KCNMB2: variants seen among roughly 807,000 people sequenced by gnomAD.
The protein encoded by KCNMB2 is calcium-activated potassium channel subunit beta-2.
In KCNMB2, 9 loss-of-function variants were observed where a neutral mutation model predicts 24.5. The observed-to-expected ratio is 0.37, with a 90% confidence interval of 0.22 to 0.64. KCNMB2 has a LOEUF of 0.64. KCNMB2 is among the 30% of genes least tolerant of loss of function. The probability of loss-of-function intolerance (pLI) is 0.63; values close to 1 mark genes in which losing one functional copy is unlikely to be tolerated. For synonymous variants in KCNMB2, 109 were observed against 104.4 expected (o/e 1.04, Z -0.27); for missense variants, 226 against 284.3 (o/e 0.79, Z 1.47).
intron 1 of KCNMB2, among the ~76,000 whole-genome samples, chr3:178,774,373 C>G (rs1712494528): frequency 6.6e-6 from 1 of 152,170 alleles, no homozygotes; most frequent in Admixed American, 6.5e-5. Context: ...CTACAGAGCC[C>G]TTTCTATGTC....
intron 1 of KCNMB2, among the ~76,000 whole-genome samples, chr3:178,634,149 G>T (rs79021385): frequency 0.012 from 1,862 of 152,270 alleles, 18 homozygotes; most frequent in Admixed American, 0.027. Flanking sequence ...TCTCTAGAAA[G>T]TTCCAAACTT....
At chr3:178,754,061 C>T (rs1024825414) in intron 1 of KCNMB2, among the ~76,000 whole-genome samples, 28 of 150,804 alleles carry the variant, frequency 1.9e-4, no homozygotes, top group Non-Finnish European at 5.9e-5. Flanking sequence ...GTGCCTGGTT[C>T]ATTTCACTTA....
chr3:178,783,383 A>G (rs1712954937), intron 1 of KCNMB2, among the ~76,000 whole-genome samples: 1 of 150,370 alleles, frequency 6.7e-6, no homozygotes, highest in Non-Finnish European at 1.5e-5. Flanking sequence ...TACCTTGGGC[A>G]GTATGGCCAT....
intron 1 of KCNMB2, among the ~76,000 whole-genome samples, chr3:178,616,715 C>A (rs1211058017): frequency 6.6e-6 from 1 of 152,128 alleles, no homozygotes; most frequent in Admixed American, 6.5e-5. Flanking sequence ...GTCGGAGGAA[C>A]AATCAGTGGA....
intron 1 of KCNMB2, among the ~76,000 whole-genome samples, chr3:178,781,676 G>T (rs1712847918): frequency 6.6e-6 from 1 of 151,758 alleles, no homozygotes; most frequent in East Asian, 1.9e-4. Context: ...CTGGGATCTG[G>T]GATGAGGGGT....
chr3:178,676,859 G>A (rs556445769), intron 1 of KCNMB2, among the ~76,000 whole-genome samples: 9 of 152,198 alleles, frequency 5.9e-5, no homozygotes, highest in African/African-American at 1.7e-4. Context: ...TTAACGTTAC[G>A]AAACGCTTTC....
At chr3:178,706,360 C>G (rs1559982733) in intron 1 of KCNMB2, among the ~76,000 whole-genome samples, 1 of 152,068 alleles carries the variant, frequency 6.6e-6, no homozygotes, top group Non-Finnish European at 1.5e-5. Flanking sequence ...GCTGACATTC[C>G]TTTTTGCAAT....
chr3:178,648,537 G>A (rs1719998918), intron 1 of KCNMB2, among the ~76,000 whole-genome samples: 1 of 152,100 alleles, frequency 6.6e-6, no homozygotes, highest in South Asian at 2.1e-4. Context: ...GTCAGAGTCT[G>A]TCTCTTAAAA....
intron 1 of KCNMB2, among the ~76,000 whole-genome samples, chr3:178,800,641 T>C (rs1713738881): frequency 6.6e-6 from 1 of 151,962 alleles, no homozygotes; most frequent in Non-Finnish European, 1.5e-5. Flanking sequence ...AAAATATAAA[T>C]AGAACTACCA....
intron 1 of KCNMB2, among the ~76,000 whole-genome samples, chr3:178,617,384 G>A (rs1172281217): frequency 2.0e-5 from 3 of 148,502 alleles, no homozygotes; most frequent in Admixed American, 1.3e-4. Flanking sequence ...TGGTGAAACC[G>A]AATCTCTACT....
intron 1 of KCNMB2, among the ~76,000 whole-genome samples, chr3:178,553,957 A>G (rs1716041746): frequency 6.6e-6 from 1 of 152,216 alleles, no homozygotes; most frequent in African/African-American, 2.4e-5. Flanking sequence ...TTGAAAAGAA[A>G]TATACCACAG....
chr3:178,793,516 G>C (rs1025004010), intron 1 of KCNMB2, among the ~76,000 whole-genome samples: 4 of 151,812 alleles, frequency 2.6e-5, no homozygotes, highest in East Asian at 3.9e-4. Context: ...CTTCACCCTG[G>C]GGGGGTGGGC....
At chr3:178,564,744 G>A (rs889273775) in intron 1 of KCNMB2, among the ~76,000 whole-genome samples, 2 of 152,166 alleles carry the variant, frequency 1.3e-5, no homozygotes, top group Non-Finnish European at 2.9e-5. Flanking sequence ...GTTTTGGAGG[G>A]TAATTCATCC....
At chr3:178,773,717 G>A (rs925954910) in intron 1 of KCNMB2, among the ~76,000 whole-genome samples, 2 of 152,156 alleles carry the variant, frequency 1.3e-5, no homozygotes, top group Non-Finnish European at 2.9e-5. Flanking sequence ...TTCTCTTGCT[G>A]ATATAATTGC....
At chr3:178,739,908 C>T (rs1210810802) in intron 1 of KCNMB2, among the ~76,000 whole-genome samples, 2 of 152,158 alleles carry the variant, frequency 1.3e-5, no homozygotes, top group African/African-American at 4.8e-5. Flanking sequence ...AGAACACAGA[C>T]TCACCCTGAC....
chr3:178,835,989 C>G (rs1007970835), intron 4 of KCNMB2, among the ~76,000 whole-genome samples: 1 of 152,008 alleles, frequency 6.6e-6, no homozygotes, highest in African/African-American at 2.4e-5. Flanking sequence ...AAATTTCTAA[C>G]CCCATTTCAA....
intron 1 of KCNMB2, among the ~76,000 whole-genome samples, chr3:178,718,793 T>C (rs958322325): frequency 7.2e-5 from 11 of 152,178 alleles, no homozygotes; most frequent in African/African-American, 2.7e-4. Context: ...TTTTTCTCTA[T>C]ATCGTATATG....
chr3:178,770,089 T>G (rs78049103), intron 1 of KCNMB2, among the ~76,000 whole-genome samples: 21,718 of 152,210 alleles, frequency 0.14, 1,857 homozygotes, highest in Admixed American at 0.18. Context: ...TTGACATATG[T>G]CTACATAGTT....
chr3:178,766,356 G>T (rs916059501), intron 1 of KCNMB2, among the ~76,000 whole-genome samples: 2 of 152,014 alleles, frequency 1.3e-5, no homozygotes, highest in Non-Finnish European at 2.9e-5. Context: ...ACTACACCTG[G>T]TTATTTTTTT....
Sources: allele counts gnomAD v4.1 joint callset (sites outside exome capture counted in the v4.1 genomes callset), GRCh38; gene constraint gnomAD v4.1.1; transcripts MANE v1.5; gene names NCBI Gene and HGNC (gene_info 2026-07-23, HGNC 2026-07-21).